PCDH17: variants seen among roughly 807,000 people sequenced by gnomAD.
The protein encoded by PCDH17 is protocadherin-17.
PCDH17 carries 21 observed loss-of-function variants against 67.7 expected under a neutral mutation model. That is an observed-to-expected ratio of 0.31 (90% CI 0.22 to 0.45). The LOEUF (loss-of-function observed/expected upper bound fraction) is 0.45. Ranked by LOEUF, PCDH17 falls within the 20% of genes least tolerant of loss-of-function variation. The pLI is 1.00. For missense variants in PCDH17, 1,471 were observed against 1,564.8 expected (o/e 0.94, Z 1.01); for synonymous variants, 701 against 656.7 (o/e 1.07, Z -1.03).
At chr13:57,674,334 A>C (rs910924125) in intron 3 of PCDH17, among the ~76,000 whole-genome samples, 3 of 151,510 alleles carry the variant, frequency 2.0e-5, no homozygotes, top group Admixed American at 1.3e-4. Context: ...ATTTCATTTT[A>C]TTTCTTTCTA....
intron 3 of PCDH17, among the ~76,000 whole-genome samples, chr13:57,688,774 C>CT (rs1566236264): frequency 6.6e-6 from 1 of 152,014 alleles, no homozygotes; most frequent in African/African-American, 2.4e-5. Context: ...ATTTTTCTGG[C>CT]TAAGACCTTC....
At chr13:57,650,416 T>A (rs2137998743) in intron 1 of PCDH17, among the ~76,000 whole-genome samples, 1 of 152,200 alleles carries the variant, frequency 6.6e-6, no homozygotes, top group East Asian at 1.9e-4. Flanking sequence ...AGGGATGAAT[T>A]GCTTACATTT....
At chr13:57,696,616 A>T (rs1955611357) in intron 3 of PCDH17, among the ~76,000 whole-genome samples, 1 of 151,488 alleles carries the variant, frequency 6.6e-6, no homozygotes, top group African/African-American at 2.4e-5. Flanking sequence ...ATTAAAATAT[A>T]CCATATTTTA....
chr13:57,668,913 G>A (rs1162341837), intron 3 of PCDH17, among the ~76,000 whole-genome samples: 4 of 152,018 alleles, frequency 2.6e-5, no homozygotes, highest in African/African-American at 9.6e-5. Flanking sequence ...ACATATGTAT[G>A]CAAGTGCCAT....
intron 1 of PCDH17, among the ~76,000 whole-genome samples, chr13:57,644,527 A>T (rs1954942210): frequency 7.6e-6 from 1 of 131,400 alleles, no homozygotes; most frequent in African/African-American, 2.8e-5. Context: ...TATTTCTATT[A>T]AAAAAAAAGA....
chr13:57,688,700 A>G (rs1005227734), intron 3 of PCDH17, among the ~76,000 whole-genome samples: 14 of 152,092 alleles, frequency 9.2e-5, no homozygotes, highest in Non-Finnish European at 1.6e-4. Flanking sequence ...ATTGTAATGA[A>G]TGTAAGATCA....
At chr13:57,647,806 G>A (rs1035239886) in intron 1 of PCDH17, among the ~76,000 whole-genome samples, 1 of 151,748 alleles carries the variant, frequency 6.6e-6, no homozygotes, top group African/African-American at 2.4e-5. Context: ...GCAAGAGTGT[G>A]CTCTAATAAG....
intron 1 of PCDH17, among the ~76,000 whole-genome samples, chr13:57,648,653 T>C (rs918063780): frequency 6.6e-6 from 1 of 152,066 alleles, no homozygotes; most frequent in African/African-American, 2.4e-5. Context: ...TTCTGTTAAC[T>C]AGAGGGACTG....
At chr13:57,636,511 A>G (rs1284897382) in intron 1 of PCDH17, among the ~76,000 whole-genome samples, 1 of 152,124 alleles carries the variant, frequency 6.6e-6, no homozygotes, top group Non-Finnish European at 1.5e-5. Flanking sequence ...TCCTTGTAAA[A>G]CAATCTCACA....
At position 57,634,385 on chromosome 13, in the gene PCDH17, A is replaced by G. The variant is rs753678913; in HGVS notation, c.1839A>G (p.Leu613=). 1.9e-6 allele frequency: 3 copies of G among 1,612,580 alleles called. No individual in the cohort carries two copies. Among genetic ancestry groups the G allele is most frequent in the Middle Eastern group, 1.7e-4 (1 of 6,060 alleles). Residue 613 remains leucine, a synonymous_variant, in exon 1 of 4, where the codon CTA becomes CTG. Transcript: ENST00000377918. This position sits in a 1 kb window ranked among gnomAD's most constrained non-coding sequence, Gnocchi z 7.8. ...ATCTGGTGAGCACTGTGCGCGCCCT[A>G]GACAGCGACTTCGGCGAGAGCGGGC... ...LGYLVSTVRA[L]DSDFGESGRL... is the part of the protein sequence containing the mutation.
Position 57,634,569 on chromosome 13 carries a change from G to A in PCDH17, c.2023G>A (p.Ala675Thr), listed in dbSNP as rs1954791008. ...CGACCACGGCAAGCCTACCCTGTCCGCAGTGGCCAAGCTCATCATCCGCTC... is the reference window on the plus strand; with the variant it reads ...CGACCACGGCAAGCCTACCCTGTCCACAGTGGCCAAGCTCATCATCCGCTC... ...VTDHGKPTLSAVAKLIIRSVS... is the reference protein window; with the variant it reads ...VTDHGKPTLSTVAKLIIRSVS... Residue 675 changes from alanine to threonine, a missense_variant, in exon 1 of 4, where the codon GCA becomes ACA. Physicochemically the swap from Ala to Thr is moderately conservative, Grantham distance 58. This residue lies in a region of PCDH17 where 1,163 missense variants were observed against 1,230.0 expected (regional missense o/e 0.95). Transcript: ENST00000377918. This position sits in a 1 kb window ranked among gnomAD's most constrained non-coding sequence, Gnocchi z 7.8. 1.9e-6 allele frequency: 3 copies of A among 1,613,140 alleles called. No individual in the cohort carries two copies. In the African/African-American group the frequency reaches 4.0e-5, roughly 22 times the overall value.
At chr13:57,648,096 G>A (rs1329277411) in intron 1 of PCDH17, among the ~76,000 whole-genome samples, 2 of 151,828 alleles carry the variant, frequency 1.3e-5, no homozygotes, top group African/African-American at 4.8e-5. Flanking sequence ...AAATCGCCAA[G>A]GAGACATCTG....
chr13:57,685,359 A>G (rs574919724), intron 3 of PCDH17, among the ~76,000 whole-genome samples: 1 of 152,102 alleles, frequency 6.6e-6, no homozygotes, highest in South Asian at 2.1e-4. Flanking sequence ...AATGCTATAC[A>G]TTCTTTTGTA....
chr13:57,659,136 C>T (rs370392837), intron 1 of PCDH17, among the ~76,000 whole-genome samples: 2 of 101,314 alleles, frequency 2.0e-5, no homozygotes, highest in African/African-American at 6.8e-5. Context: ...TGTGTGTATA[C>T]ACACACACTC....
intron 1 of PCDH17, among the ~76,000 whole-genome samples, chr13:57,643,546 C>T (rs1954929253): frequency 1.3e-5 from 2 of 151,462 alleles, no homozygotes; most frequent in African/African-American, 2.4e-5. Flanking sequence ...TTGGGTCCCA[C>T]CAGAATTCAT....
chr13:57,663,181 A>G (rs553473816), intron 1 of PCDH17, among the ~76,000 whole-genome samples: 4 of 152,130 alleles, frequency 2.6e-5, no homozygotes, highest in Non-Finnish European at 5.9e-5. Context: ...TTAATGATAA[A>G]CAAATCATCA....
intron 3 of PCDH17, among the ~76,000 whole-genome samples, chr13:57,692,960 A>G (rs1163602547): frequency 5.3e-5 from 8 of 151,044 alleles, no homozygotes; most frequent in Non-Finnish European, 1.2e-4. Flanking sequence ...TCACAAATAC[A>G]TAGATATAAG....
At chr13:57,653,993 G>A (rs1245392969) in intron 1 of PCDH17, among the ~76,000 whole-genome samples, 6 of 152,238 alleles carry the variant, frequency 3.9e-5, no homozygotes, top group African/African-American at 9.6e-5. Context: ...CATCTTGTGA[G>A]GGAGGTCTGT....
intron 3 of PCDH17, among the ~76,000 whole-genome samples, chr13:57,719,108 C>A (rs1955850374): frequency 6.6e-6 from 1 of 151,832 alleles, no homozygotes; most frequent in African/African-American, 2.4e-5. Flanking sequence ...ATTATGAAAG[C>A]TTACATTGTT....
Sources: gnomAD v4.1 joint callset for allele counts (sites outside exome capture counted in the v4.1 genomes callset) on GRCh38, gnomAD v4.1.1 for gene constraint, gnomAD v4.1.1 regional missense constraint, Gnocchi (gnomAD v3.1) non-coding constraint, MANE v1.5 for transcripts, NCBI Gene and HGNC (gene_info 2026-07-23, HGNC 2026-07-21) for gene names.